The following BCL2L11 variants were observed in gnomAD, a reference collection of about 807,000 sequenced individuals.
BCL2L11 encodes bcl-2-like protein 11.
BCL2L11 carries 15 observed loss-of-function variants against 20.6 expected under a neutral mutation model. The ratio of observed to expected loss-of-function variants is 0.73; its 90% CI spans 0.49 to 1.12. The LOEUF (loss-of-function observed/expected upper bound fraction) is 1.12, where lower values mean the gene tolerates loss of function less well. Among genes scored for constraint, BCL2L11 ranks in the 50% most tolerant of loss-of-function variants. The probability of loss-of-function intolerance (pLI) is 0.00; values close to 1 mark genes in which losing one functional copy is unlikely to be tolerated. For missense variants in BCL2L11, 292 were observed against 260.9 expected, an observed-to-expected ratio of 1.12 and a Z score of -0.82; for synonymous variants, 108 against 92.8, an observed-to-expected ratio of 1.16 and a Z score of -0.94.
At chr2:111,127,945 G>C (rs1019196614) in intron 2 of BCL2L11, among the ~76,000 whole-genome samples, 6 of 152,244 alleles carry the variant, frequency 3.9e-5, no homozygotes, top group Non-Finnish European at 7.4e-5. Flanking sequence ...TTGTATTGCA[G>C]TTAAACACAA....
intron 2 of BCL2L11, among the ~76,000 whole-genome samples, chr2:111,127,845 CA>C (rs754768739): frequency 2.0e-5 from 3 of 151,852 alleles, no homozygotes; most frequent in Admixed American, 2.0e-4. Flanking sequence ...TTTGAGGAGA[CA>C]AAAAAGAATG....
intron 3 of BCL2L11, among the ~76,000 whole-genome samples, chr2:111,159,982 C>T (rs550114965): frequency 6.6e-6 from 1 of 152,370 alleles, no homozygotes; most frequent in South Asian, 2.1e-4. Flanking sequence ...GACACATAAT[C>T]CTATGCCTTT....
At chr2:111,145,816 C>CA (rs1312724790) in intron 2 of BCL2L11, 1 of 239,054 alleles carries the variant, frequency 4.2e-6, no homozygotes, top group East Asian at 1.8e-4. Context: ...TTCCGGGCTT[C>CA]AAAAAATGAT....
chr2:111,153,230 T>C (rs1054017150), intron 3 of BCL2L11, among the ~76,000 whole-genome samples: 5 of 151,750 alleles, frequency 3.3e-5, no homozygotes, highest in African/African-American at 1.2e-4. Context: ...GTACAAAAAA[T>C]TAGCTGGGTG....
At chr2:111,121,403 T>C (rs916432077) in intron 1 of BCL2L11, among the ~76,000 whole-genome samples, 6 of 152,030 alleles carry the variant, frequency 3.9e-5, no homozygotes, top group Admixed American at 2.6e-4. Context: ...ACGCGGAACC[T>C]GCAGGCTCTT....
chr2:111,146,832 TTAAAA>T (rs1455561869), intron 2 of BCL2L11, among the ~76,000 whole-genome samples: 3 of 152,098 alleles, frequency 2.0e-5, no homozygotes, highest in African/African-American at 7.2e-5. Flanking sequence ...TAAATAAGAG[TTAAAA>T]TAAGAGTTTT....
chr2:111,161,496 G>T, intron 3 of BCL2L11: 1 of 1,550,170 alleles, frequency 6.5e-7, no homozygotes, highest in Non-Finnish European at 8.7e-7. Flanking sequence ...CAGCTCTGCA[G>T]ACAGCAGGTC....
At chr2:111,127,295 G>T (rs2072853188) in intron 2 of BCL2L11, among the ~76,000 whole-genome samples, 1 of 152,046 alleles carries the variant, frequency 6.6e-6, no homozygotes, top group Non-Finnish European at 1.5e-5. Flanking sequence ...AGTACAATTG[G>T]AAATAAGAGT....
At position 111,153,085 on chromosome 2, in the gene BCL2L11, G is replaced by A. The variant is rs1010116661; in HGVS notation, c.498+2938G>A. On this transcript the variant is annotated intron_variant, in intron 3 of 3. Coordinates refer to ENST00000393256, the MANE Select transcript of BCL2L11 (RefSeq NM_138621.5). ...AATATATTCAGATTTTATAAATAGC[G>A]CAAAACACAAGGCTGGGTACGGTGG... is the stretch of plus-strand genomic sequence containing the variant. 3.9e-5 allele frequency among the ~76,000 whole-genome samples: 6 copies of A among 152,118 alleles called. No individual in the cohort carries two copies. The South Asian group carries it at 6.2e-4, about 16-fold the overall frequency.
At chr2:111,147,346 T>TCTCTCTCTCTCTCTCA (rs760779894) in intron 2 of BCL2L11, among the ~76,000 whole-genome samples, 48 of 137,410 alleles carry the variant, frequency 3.5e-4, no homozygotes, top group Non-Finnish European at 5.4e-4. Flanking sequence ...TCTCTCTCTC[T>TCTCTCTCTCTCTCTCA]CACACACACA....
In BCL2L11 at chr2:111,168,264, G is replaced by A. The variant is rs1392541274; in HGVS notation, c.*4033G>A. 2 of 152,726 alleles carry A rather than the reference G, an allele frequency of 1.3e-5. No homozygotes were observed. Among genetic ancestry groups the A allele is most frequent in the Non-Finnish European group, 2.9e-5 (2 of 68,030 alleles). 9.5% of individuals were successfully genotyped at this position (152,726 alleles called of 1,614,324 possible). A position where few individuals can be genotyped will look rare whatever the true frequency, so the allele number is the denominator to read the frequency against. ...CTGTATACTGATCCATCACTAACCT[G>A]TTTTCTAGGACCCAGCGTATGTAGC... On this transcript the variant is annotated 3_prime_UTR_variant, in exon 4 of 4. Transcript: ENST00000393256.
intron 3 of BCL2L11, chr2:111,151,877 A>G (rs1188080550): frequency 1.3e-6 from 2 of 1,549,262 alleles, no homozygotes; most frequent in South Asian, 2.4e-5. Context: ...AGAACATTCC[A>G]GCCTAGATCT....
At chr2:111,122,878 C>T in intron 1 of BCL2L11, 1 of 985,420 alleles carries the variant, frequency 1.0e-6, no homozygotes, top group Non-Finnish European at 1.2e-6. Context: ...CGCCGCGGGG[C>T]TTGGTCCCTG....
At chr2:111,136,687 G>T (rs1423252964) in intron 2 of BCL2L11, among the ~76,000 whole-genome samples, 1 of 152,196 alleles carries the variant, frequency 6.6e-6, no homozygotes, top group Admixed American at 6.5e-5. Context: ...GATAGAAAAT[G>T]TGAGGGTTTC....
Position 111,164,470 on chromosome 2 carries a change from T to G in BCL2L11, c.*239T>G. 2.5e-6 allele frequency: 1 copy of G among 396,898 alleles called. No homozygotes were observed. Among genetic ancestry groups the G allele is most frequent in the Non-Finnish European group, 4.6e-6 (1 of 219,184 alleles). The allele number at this position is 396,898 out of a possible 1,614,324, so 24.6% of individuals were successfully genotyped here. A position where few individuals can be genotyped will look rare whatever the true frequency, so the allele number is the denominator to read the frequency against. ...TAAAGGAGGGAGCATTCTTTGCTTT[T>G]TAATATACAAACCATGGTTTTTTGG... On this transcript the variant is annotated 3_prime_UTR_variant, in exon 4 of 4. Coordinates refer to ENST00000393256, the MANE Select transcript of BCL2L11 (RefSeq NM_138621.5).
chr2:111,126,975 A>G (rs186734804), intron 2 of BCL2L11, among the ~76,000 whole-genome samples: 39 of 151,336 alleles, frequency 2.6e-4, no homozygotes, highest in African/African-American at 9.0e-4. Context: ...AGGAATGTAT[A>G]GTAGTTGAGT....
chr2:111,137,002 CT>C (rs759068208), intron 2 of BCL2L11, among the ~76,000 whole-genome samples: 91 of 152,320 alleles, frequency 6.0e-4, no homozygotes, highest in Non-Finnish European at 1.0e-3. Context: ...GTGTGTGACT[CT>C]CATGGTGTGA....
chr2:111,155,555 T>A (rs1413098703), intron 3 of BCL2L11, among the ~76,000 whole-genome samples: 1 of 152,154 alleles, frequency 6.6e-6, no homozygotes, highest in Non-Finnish European at 1.5e-5. Flanking sequence ...GCAACCAACA[T>A]GCCTCCCTCT....
rs529455249 is a variant in BCL2L11 at position 111,167,552 on chromosome 2, T to G, written c.*3321T>G. On this transcript the variant is annotated 3_prime_UTR_variant, in exon 4 of 4. Coordinates refer to ENST00000393256, the MANE Select transcript of BCL2L11 (RefSeq NM_138621.5). ...GACAACTCAGCGTTTAGAAAAGAAA[T>G]AAAATGTGCCACTTCCAGAGGTGCT... 13 of 152,270 alleles carry G rather than the reference T, an allele frequency of 8.5e-5. No homozygotes were observed. Among genetic ancestry groups the G allele is most frequent in the South Asian group, 2.1e-4 (1 of 4,828 alleles). 9.4% of individuals were successfully genotyped at this position (152,270 alleles called of 1,614,324 possible).
Sources: allele counts gnomAD v4.1 joint callset (sites outside exome capture counted in the v4.1 genomes callset), GRCh38; gene constraint gnomAD v4.1.1; transcripts MANE v1.5; gene names NCBI Gene and HGNC (gene_info 2026-07-23, HGNC 2026-07-21).